The following ADAT1 variants were observed in gnomAD, a reference collection of about 807,000 sequenced individuals.
ADAT1 encodes the protein tRNA-specific adenosine deaminase 1.
ADAT1 carries 58 observed loss-of-function variants against 58.6 expected under a neutral mutation model. The observed-to-expected ratio is 0.99, with a 90% CI of 0.80 to 1.23. The LOEUF (loss-of-function observed/expected upper bound fraction) is 1.23, where lower values mean the gene tolerates loss of function less well. Ranked by LOEUF, ADAT1 falls within the 50% of genes most tolerant of loss-of-function variation. The pLI is 0.00. For missense variants in ADAT1, 741 were observed against 608.6 expected (o/e 1.22, Z -2.29); for synonymous variants, 254 against 220.8 (o/e 1.15, Z -1.33).
chr16:75,620,886 T>G, intron 1 of ADAT1, 66 bp from the exon 2 acceptor site: 3 of 1,370,520 alleles, frequency 2.2e-6, no homozygotes, highest in Non-Finnish European at 3.0e-6. Flanking sequence ...CTACAGCCTC[T>G]CATATCCATG....
At chr16:75,614,288 T>C (rs931747062) in intron 5 of ADAT1, among the ~76,000 whole-genome samples, 1 of 152,182 alleles carries the variant, frequency 6.6e-6, no homozygotes, top group Non-Finnish European at 1.5e-5. Context: ...CTAAAGTAAA[T>C]TACACACCTA....
intron 9 of ADAT1, among the ~76,000 whole-genome samples, chr16:75,601,547 A>G (rs981217648): frequency 6.6e-6 from 1 of 151,980 alleles, no homozygotes; most frequent in Admixed American, 6.6e-5. Flanking sequence ...GCCCGAGGTC[A>G]GTAGTTCAAG....
chr16:75,620,980 C>T (rs2081916233), intron 1 of ADAT1, among the ~76,000 whole-genome samples, 160 bp from the exon 2 acceptor site: 1 of 152,198 alleles, frequency 6.6e-6, no homozygotes, highest in Non-Finnish European at 1.5e-5. Flanking sequence ...TCCCTGCCCC[C>T]TTTTCATCTT....
chr16:75,602,725 CT>C (rs1411506841), intron 9 of ADAT1, among the ~76,000 whole-genome samples: 1 of 152,104 alleles, frequency 6.6e-6, no homozygotes, highest in East Asian at 1.9e-4. Flanking sequence ...AGTCATGGAG[CT>C]GCAAGTTCAA....
intron 5 of ADAT1, among the ~76,000 whole-genome samples, chr16:75,613,328 G>T (rs957779053): frequency 6.6e-6 from 1 of 152,166 alleles, no homozygotes; most frequent in Non-Finnish European, 1.5e-5. Flanking sequence ...TTGACATGCA[G>T]TCTGGCTCTG....
intron 8 of ADAT1, among the ~76,000 whole-genome samples, chr16:75,606,051 T>TGG (rs34102606): frequency 2.5e-3 from 361 of 143,032 alleles, no homozygotes; most frequent in East Asian, 0.015. Context: ...TTTTAGAGAT[T>TGG]GGGGGGGGGG....
chr16:75,612,735 C>A lies in ADAT1; in HGVS notation c.551G>T (p.Arg184Ile). The A allele has an allele frequency of 6.2e-7, 1 of 1,614,112 alleles. No homozygotes were observed. The highest frequency in any genetic ancestry group is 8.5e-7 in the Non-Finnish European group (1 of 1,180,028). Residue 184 changes from arginine to isoleucine, a missense_variant, in exon 6 of 10, where the codon AGA (arginine) becomes ATA (isoleucine). Transcript: ENST00000564657. Reference protein sequence around the residue: ...SSNLEAPGNERKCEDPDSPVT... With the variant: ...SSNLEAPGNEIKCEDPDSPVT... ...AGGACTGTCAGGGTCTTCACATTTT[C>A]TTTCATTTCCAGGAGCTTCCAGGTT...
intron 6 of ADAT1, among the ~76,000 whole-genome samples, chr16:75,610,640 A>G (rs1296018392): frequency 6.6e-6 from 1 of 152,142 alleles, no homozygotes; most frequent in African/African-American, 2.4e-5. Flanking sequence ...GGTTGTACCT[A>G]GGAGTGGAAT....
intron 1 of ADAT1, among the ~76,000 whole-genome samples, chr16:75,621,854 C>A (rs1257685659): frequency 6.6e-6 from 1 of 152,176 alleles, no homozygotes; most frequent in East Asian, 1.9e-4. Flanking sequence ...AAAAAGCTTC[C>A]CAGTAGAAGA....
chr16:75,618,793 T>A (rs909242315), intron 3 of ADAT1, 153 bp from the exon 4 acceptor site: 2 of 823,292 alleles, frequency 2.4e-6, no homozygotes, highest in African/African-American at 3.5e-5. Flanking sequence ...TGAATAACAA[T>A]GCATCAGGTG....
intron 8 of ADAT1, among the ~76,000 whole-genome samples, chr16:75,604,270 T>C (rs977081138): frequency 3.3e-5 from 5 of 150,236 alleles, no homozygotes; most frequent in African/African-American, 4.9e-5. Context: ...CCATCTCTAC[T>C]AAAAATACAA....
chr16:75,622,221 C>T (rs369384847), intron 1 of ADAT1, among the ~76,000 whole-genome samples, 182 bp downstream of exon 1: 12 of 152,308 alleles, frequency 7.9e-5, no homozygotes, highest in African/African-American at 2.9e-4. Context: ...TATGAATCCC[C>T]TGCAGCGCAA....
chr16:75,611,351 C>CT (rs1326651363), intron 6 of ADAT1, among the ~76,000 whole-genome samples: 2 of 151,974 alleles, frequency 1.3e-5, no homozygotes, highest in Non-Finnish European at 2.9e-5. Flanking sequence ...CTAAACTGTT[C>CT]TTTAAACAGT....
intron 9 of ADAT1, among the ~76,000 whole-genome samples, chr16:75,600,754 TTTTTTG>T (rs1426599702): frequency 6.6e-6 from 1 of 152,250 alleles, no homozygotes; most frequent in Non-Finnish European, 1.5e-5. Context: ...GTTACATTTC[TTTTTTG>T]AAAAATAAAA....
chr16:75,618,943 C>T (rs1016355921), intron 3 of ADAT1, among the ~76,000 whole-genome samples: 24 of 152,190 alleles, frequency 1.6e-4, no homozygotes, highest in Non-Finnish European at 4.4e-5. Context: ...TAGCACCCCT[C>T]CCTCAGTTGT....
intron 2 of ADAT1, 29 bp from the exon 3 acceptor site, chr16:75,620,363 T>C: frequency 3.7e-6 from 6 of 1,611,572 alleles, no homozygotes; most frequent in Non-Finnish European, 5.1e-6. Context: ...TCGTGTGAGT[T>C]CTGAGAAACG....
intron 7 of ADAT1, 29 bp downstream of exon 7, chr16:75,608,814 C>T (rs752946053): frequency 1.2e-6 from 2 of 1,602,896 alleles, no homozygotes; most frequent in Non-Finnish European, 1.7e-6. Context: ...AGCAGTTACT[C>T]CAGGGCAGGT....
At position 75,600,117 on chromosome 16, in the gene ADAT1, T is replaced by C. The variant is rs565047008; in HGVS notation, c.*99A>G. The C allele has an allele frequency of 8.4e-6, 13 of 1,550,088 alleles. No individual in the cohort carries two copies. Among genetic ancestry groups the C allele is most frequent in the Middle Eastern group, 1.7e-4 (1 of 5,730 alleles). On this transcript the variant is annotated 3_prime_UTR_variant, in exon 10 of 10. Transcript: ENST00000564657. ...ACAGAGATGCAAAGCTCAGAAAGAATGTTCCCTGATTTAACTACCAAAAAA... is the reference window on the plus strand; with the variant it reads ...ACAGAGATGCAAAGCTCAGAAAGAACGTTCCCTGATTTAACTACCAAAAAA...
At chr16:75,604,492 C>CACAT (rs1166678849) in intron 8 of ADAT1, among the ~76,000 whole-genome samples, 71 of 124,530 alleles carry the variant, frequency 5.7e-4, no homozygotes, top group African/African-American at 2.1e-3. Flanking sequence ...CACACACACA[C>CACAT]ACACACACAC....
Sources: allele counts gnomAD v4.1 joint callset (sites outside exome capture counted in the v4.1 genomes callset), GRCh38; gene constraint gnomAD v4.1.1; transcripts MANE v1.5; gene names NCBI Gene and HGNC (gene_info 2026-07-23, HGNC 2026-07-21).